Variants in KCNH5 observed in about 807,000 individuals in gnomAD.
KCNH5 encodes the protein voltage-gated delayed rectifier potassium channel KCNH5.
A neutral mutation model predicts 96.1 loss-of-function variants in KCNH5; 46 were observed. That is an observed-to-expected ratio of 0.48 (90% CI 0.38 to 0.61). The LOEUF (loss-of-function observed/expected upper bound fraction) is 0.61. Among genes scored for constraint, KCNH5 ranks in the 20% least tolerant of loss-of-function variants. The pLI is 0.00. For missense variants in KCNH5, 907 were observed against 1,225.8 expected, an observed-to-expected ratio of 0.74 and a Z score of 3.88; for synonymous variants, 439 against 449.8, an observed-to-expected ratio of 0.98 and a Z score of 0.30.
intron 10 of KCNH5, among the ~76,000 whole-genome samples, chr14:62,744,189 G>A (rs28491761): frequency 0.046 from 6,925 of 152,094 alleles, 472 homozygotes; most frequent in African/African-American, 0.15. Flanking sequence ...TTATATATAA[G>A]AGAAAAATTA....
In KCNH5 at chr14:63,036,219, C is replaced by G. The variant is rs1272797317; in HGVS notation, c.73+8895G>C. ...AATGAGGCAGCTCTTTCCTTCTGAC[C>G]TGTAGTTCTTTCTTTGGTCCATCAC... On this transcript the variant is annotated intron_variant, in intron 1 of 10. Transcript: ENST00000322893. Among the ~76,000 whole-genome samples, 4 of 152,162 alleles carry G rather than the reference C, an allele frequency of 2.6e-5. No homozygotes were observed. In the East Asian group the frequency reaches 7.7e-4, roughly 29 times the overall value.
chr14:63,012,990 T>A (rs1891256766), intron 2 of KCNH5, among the ~76,000 whole-genome samples: 1 of 132,258 alleles, frequency 7.6e-6, no homozygotes, highest in Non-Finnish European at 1.6e-5. Context: ...GGAAAAGAAA[T>A]AAAAGGAAAA....
At chr14:62,948,173 C>T (rs1449350794) in intron 7 of KCNH5, among the ~76,000 whole-genome samples, 1 of 152,166 alleles carries the variant, frequency 6.6e-6, no homozygotes, top group Non-Finnish European at 1.5e-5. Flanking sequence ...TTTTTTATGG[C>T]TGCATAGTAT....
At chr14:62,931,679 C>T (rs1889583704) in intron 7 of KCNH5, among the ~76,000 whole-genome samples, 1 of 152,108 alleles carries the variant, frequency 6.6e-6, no homozygotes, top group African/African-American at 2.4e-5. Flanking sequence ...GAATTGTCAC[C>T]ACCAAGTACT....
At chr14:63,027,615 T>C (rs1891549587) in intron 1 of KCNH5, among the ~76,000 whole-genome samples, 1 of 22,176 alleles carries the variant, frequency 4.5e-5, no homozygotes, top group South Asian at 2.2e-3. Context: ...TTTTGAAAAA[T>C]GGTATTGAAG....
At chr14:62,843,922 T>TA (rs933432000) in intron 8 of KCNH5, among the ~76,000 whole-genome samples, 2 of 152,088 alleles carry the variant, frequency 1.3e-5, no homozygotes, top group African/African-American at 2.4e-5. Context: ...TTTCCCAAAT[T>TA]AAAAAAATAT....
At chr14:62,801,499 A>ATTTTT (rs35409070) in intron 9 of KCNH5, among the ~76,000 whole-genome samples, 23 of 108,844 alleles carry the variant, frequency 2.1e-4, no homozygotes, top group Non-Finnish European at 3.1e-4. Context: ...TCATTTGGCA[A>ATTTTT]TTTTTTTTTT....
chr14:62,992,436 C>T (rs1890826969), intron 4 of KCNH5, among the ~76,000 whole-genome samples: 1 of 152,106 alleles, frequency 6.6e-6, no homozygotes, highest in African/African-American at 2.4e-5. Flanking sequence ...AACCTACATT[C>T]CCACCAACAG....
intron 7 of KCNH5, among the ~76,000 whole-genome samples, chr14:62,870,133 A>G (rs1888224116): frequency 1.3e-5 from 2 of 152,222 alleles, no homozygotes; most frequent in Non-Finnish European, 2.9e-5. Flanking sequence ...TCTCCCAACA[A>G]GCTTACCATT....
chr14:62,836,337 G>A (rs1036043332), intron 8 of KCNH5, among the ~76,000 whole-genome samples: 2 of 152,056 alleles, frequency 1.3e-5, no homozygotes, highest in Admixed American at 6.6e-5. Flanking sequence ...TCCCAAGTCA[G>A]GCAACATAAG....
chr14:62,983,860 C>A (rs1890656692), intron 5 of KCNH5, among the ~76,000 whole-genome samples: 1 of 152,108 alleles, frequency 6.6e-6, no homozygotes, highest in Non-Finnish European at 1.5e-5. Context: ...TCTTACATTT[C>A]TTTAGACATT....
intron 8 of KCNH5, among the ~76,000 whole-genome samples, chr14:62,846,789 C>CTTTTTTTTTTT (rs766919022): frequency 3.0e-5 from 2 of 67,480 alleles, no homozygotes; most frequent in Non-Finnish European, 5.4e-5. Context: ...TGTATTGTAT[C>CTTTTTTTTTTT]TTTTTTTTTT....
At chr14:62,975,920 A>G (rs1890490704) in intron 6 of KCNH5, among the ~76,000 whole-genome samples, 1 of 152,166 alleles carries the variant, frequency 6.6e-6, no homozygotes, top group African/African-American at 2.4e-5. Context: ...ATATCCAGAA[A>G]TATACGGATC....
intron 6 of KCNH5, among the ~76,000 whole-genome samples, chr14:62,967,987 T>C (rs1006521918): frequency 6.6e-6 from 1 of 152,228 alleles, no homozygotes; most frequent in Admixed American, 6.5e-5. Context: ...TCATTGCTTG[T>C]TATTTCCTTT....
chr14:62,740,315 T>C (rs1490450123), intron 10 of KCNH5, among the ~76,000 whole-genome samples: 1 of 152,202 alleles, frequency 6.6e-6, no homozygotes, highest in East Asian at 1.9e-4. Context: ...CTTTGTTGAG[T>C]GTGTGTGCAC....
chr14:63,019,394 GA>G (rs1891385300), intron 1 of KCNH5, among the ~76,000 whole-genome samples: 1 of 151,836 alleles, frequency 6.6e-6, no homozygotes, highest in Non-Finnish European at 1.5e-5. Context: ...AATAAAATAT[GA>G]AAAAGTAGAA....
At chr14:62,712,687 T>C in intron 10 of KCNH5, 1 of 779,070 alleles carries the variant, frequency 1.3e-6, no homozygotes, top group South Asian at 1.4e-5. Context: ...AGGTCACCCT[T>C]CACAGAGCGT....
chr14:63,026,846 G>A (rs959048188), intron 1 of KCNH5, among the ~76,000 whole-genome samples: 1 of 151,910 alleles, frequency 6.6e-6, no homozygotes, highest in Non-Finnish European at 1.5e-5. Flanking sequence ...GCGATTCCAC[G>A]ACTCAGTAAA....
intron 1 of KCNH5, among the ~76,000 whole-genome samples, chr14:63,032,503 C>G (rs1156820827): frequency 6.6e-6 from 1 of 152,152 alleles, no homozygotes; most frequent in Non-Finnish European, 1.5e-5. Flanking sequence ...CCATTAAAAC[C>G]ATGTAGCAAT....
Sources: allele counts gnomAD v4.1 joint callset (sites outside exome capture counted in the v4.1 genomes callset), GRCh38; gene constraint gnomAD v4.1.1; transcripts MANE v1.5; gene names NCBI Gene and HGNC (gene_info 2026-07-23, HGNC 2026-07-21).